The following DDX60L variants were observed in gnomAD, a reference collection of about 807,000 sequenced individuals.
DDX60L encodes the protein DExD/H-box 60 like.
In DDX60L, 191 loss-of-function variants were observed where a neutral mutation model predicts 211.6. The ratio of observed to expected loss-of-function variants is 0.90; its 90% CI spans 0.80 to 1.02. DDX60L has a LOEUF of 1.02. Among genes scored for constraint, DDX60L ranks in the 50% least tolerant of loss-of-function variants. DDX60L has a pLI of 0.00. For missense variants in DDX60L, 2,007 were observed against 1,984.1 expected (o/e 1.01, Z -0.22); for synonymous variants, 706 against 694.1 (o/e 1.02, Z -0.27).
chr4:168,408,984 T>G (rs1360423695), intron 22 of DDX60L, among the ~76,000 whole-genome samples: 1 of 152,238 alleles, frequency 6.6e-6, no homozygotes, highest in Non-Finnish European at 1.5e-5. Context: ...TGTATTCTGC[T>G]TCCCCTCATG....
intron 36 of DDX60L, among the ~76,000 whole-genome samples, chr4:168,367,900 T>C (rs1345829989): frequency 6.6e-6 from 1 of 152,212 alleles, no homozygotes; most frequent in Non-Finnish European, 1.5e-5. Flanking sequence ...TTAGGGTACC[T>C]GGAGAAAGAA....
Position 168,394,448 on chromosome 4 carries a change from C to A in DDX60L, c.3810+17G>T. 1 of 1,574,086 alleles carries A rather than the reference C, an allele frequency of 6.4e-7. No homozygotes were observed. The highest frequency in any genetic ancestry group is 8.6e-7 in the Non-Finnish European group (1 of 1,163,834). On this transcript the variant is annotated intron_variant, in intron 28 of 37. Coordinates refer to ENST00000682922, the MANE Select transcript of DDX60L (RefSeq NM_001012967.3). ...TATGCACAACTTTATTTTTTAAATGCAAAGAAATTTACCTACCCTAATAAG... is the reference window on the plus strand; with the variant it reads ...TATGCACAACTTTATTTTTTAAATGAAAAGAAATTTACCTACCCTAATAAG...
chr4:168,449,636 ACAAAAAAAAAAAATGC>A (rs1755406367), intron 8 of DDX60L, among the ~76,000 whole-genome samples: 1 of 41,568 alleles, frequency 2.4e-5, no homozygotes, highest in African/African-American at 1.2e-4. Context: ...AAACATTAAA[ACAAAAAAAAAAAATGC>A]AAAAAAAAAA....
chr4:168,442,239 G>A (rs1039682225), intron 9 of DDX60L, among the ~76,000 whole-genome samples: 1 of 152,212 alleles, frequency 6.6e-6, no homozygotes, highest in African/African-American at 2.4e-5. Context: ...AGAAAGGGGT[G>A]ACGGACGGCA....
chr4:168,430,788 A>G, intron 12 of DDX60L, 150 bp from the exon 13 acceptor site: 2 of 577,230 alleles, frequency 3.5e-6, no homozygotes, highest in East Asian at 3.4e-5. Flanking sequence ...ATAATTCCCT[A>G]TATTATTTGA....
intron 5 of DDX60L, among the ~76,000 whole-genome samples, chr4:168,461,053 C>A (rs1757260012): frequency 6.6e-6 from 1 of 152,184 alleles, no homozygotes. Context: ...GGGAGTTGAA[C>A]AAACCTCACT....
intron 35 of DDX60L, among the ~76,000 whole-genome samples, 174 bp from the exon 36 acceptor site, chr4:168,371,937 C>T (rs1476540165): frequency 6.6e-6 from 1 of 152,050 alleles, no homozygotes; most frequent in Non-Finnish European, 1.5e-5. Flanking sequence ...GGGCCCATTA[C>T]AGTGAGGGAA....
Position 168,456,085 on chromosome 4 carries a change from C to T in DDX60L, c.791G>A (p.Cys264Tyr). Residue 264 changes from cysteine to tyrosine, a missense_variant, in exon 7 of 38, where the codon TGT becomes TAT. Cys to Tyr is a radical substitution (Grantham distance 194, BLOSUM62 -2). Transcript: ENST00000682922. ...SEGSDIQRVL[C>Y]VTSCSLSLRM... ...CAAGGATAGTGAACATGAAGTGACACAGAGAACACGCTGGATGTCCGATCC... is the reference window on the plus strand; with the variant it reads ...CAAGGATAGTGAACATGAAGTGACATAGAGAACACGCTGGATGTCCGATCC... 1 of 1,597,910 alleles carries T rather than the reference C, an allele frequency of 6.3e-7. No individual in the cohort carries two copies. The highest frequency in any genetic ancestry group is 8.5e-7 in the Non-Finnish European group (1 of 1,173,874).
chr4:168,458,057 C>T (rs1238076400), intron 5 of DDX60L, 49 bp from the exon 6 acceptor site: 1 of 1,169,058 alleles, frequency 8.6e-7, no homozygotes, highest in East Asian at 2.6e-5. Flanking sequence ...AAGTATTTCC[C>T]AGCTGTAAAA....
rs1300523216 is a variant in DDX60L at position 168,404,086 on chromosome 4, G to C, written c.3234C>G (p.Asn1078Lys). 2.8e-6 allele frequency: 4 copies of C among 1,406,254 alleles called. No individual in the cohort carries two copies. In the African/African-American group the frequency reaches 5.9e-5, roughly 21 times the overall value. 87.1% of individuals were successfully genotyped at this position (1,406,254 alleles called of 1,614,324 possible). Residue 1078 changes from asparagine (N) to lysine (K), a missense_variant, in exon 25 of 38, where the codon AAC becomes AAG. Transcript: ENST00000682922. ...AACTAGACAATGAATCCGGACTAAG[G>C]TTCTTCAGTACTCTTTTGACCTACA... ...QVKKVKRVLK[N>K]LSPDSLSSSK... is the part of the protein sequence containing the mutation.
Position 168,435,055 on chromosome 4 carries a change from G to T in DDX60L, c.1295-1940C>A, listed in dbSNP as rs537030803. On this transcript the variant is annotated intron_variant, in intron 10 of 37. Coordinates refer to ENST00000682922, the MANE Select transcript of DDX60L (RefSeq NM_001012967.3). ...ATTACTGGATACTGATTCTGAACTG[G>T]CACTAATTCCAGAAGACCCAAAATG... 2.0e-5 allele frequency among the ~76,000 whole-genome samples: 3 copies of T among 152,234 alleles called. No homozygotes were observed. The South Asian group carries it at 6.2e-4, about 32-fold the overall frequency.
At chr4:168,458,688 C>G (rs773237011) in intron 5 of DDX60L, among the ~76,000 whole-genome samples, 2 of 152,176 alleles carry the variant, frequency 1.3e-5, no homozygotes, top group Non-Finnish European at 2.9e-5. Context: ...GGATAAATAA[C>G]TAATGCGTGC....
chr4:168,460,803 G>A (rs893805936), intron 5 of DDX60L, among the ~76,000 whole-genome samples: 5 of 152,080 alleles, frequency 3.3e-5, no homozygotes, highest in Admixed American at 2.0e-4. Flanking sequence ...CACAAATGCC[G>A]GGCTTCACAT....
rs1742527133 is a variant in DDX60L, at chr4:168,379,378, T to C, written c.4348A>G (p.Lys1450Glu). 5 of 1,587,952 alleles carry C rather than the reference T, an allele frequency of 3.1e-6. No individual in the cohort carries two copies. The highest frequency in any genetic ancestry group is 1.9e-5 in the Admixed American group (1 of 53,368). The change falls in exon 32 of 38, where the codon AAG becomes GAG. Residue 1450 changes from lysine to glutamate, a missense_variant. Transcript: ENST00000682922. ...LKRGLFHNLC[K>E]PAWKGSQQFS... ...CCAAGCTTACCTTTCCAGGCTGGCT[T>C]ACAGAGATTATGGAAAAGGCCTCTC...
At position 168,415,476 on chromosome 4, in the gene DDX60L, A is replaced by G; in HGVS notation, c.2911T>C (p.Cys971Arg). 1 of 1,605,670 alleles carries G rather than the reference A, an allele frequency of 6.2e-7. No individual in the cohort carries two copies. The change falls in exon 22 of 38, where the codon TGT becomes CGT. Residue 971 changes from cysteine to arginine, a missense_variant. Cys to Arg is a radical substitution (Grantham distance 180, BLOSUM62 -3). Transcript: ENST00000682922. ...ERYNDLEKHICSVKHDDVYFD... is the reference protein window; with the variant it reads ...ERYNDLEKHIRSVKHDDVYFD... ...TAAACATCATCATGTTTTACTGAAC[A>G]TATATGCTTCTCTAAATCATTGTAT... is the stretch of plus-strand genomic sequence containing the variant.
Position 168,422,551 on chromosome 4 carries a change from G to A in DDX60L, c.2217C>T (p.Val739=). The change falls in exon 16 of 38, where the codon GTC becomes GTT. Residue 739 remains valine, a synonymous_variant. Transcript: ENST00000682922. ...GCCATGCGTTGGGAATAAAATCCTGGACCCTGGGATCCCGATCTTTTCTTT... is the reference window on the plus strand; with the variant it reads ...GCCATGCGTTGGGAATAAAATCCTGAACCCTGGGATCCCGATCTTTTCTTT... ...RDERKDRDPR[V]QDFIPNAWQQ... 9.9e-6 allele frequency: 16 copies of A among 1,612,266 alleles called. No homozygotes were observed. The highest frequency in any genetic ancestry group is 1.4e-5 in the Non-Finnish European group (16 of 1,179,454).
chr4:168,407,083 T>C (rs1446263042), intron 22 of DDX60L, among the ~76,000 whole-genome samples: 6 of 152,178 alleles, frequency 3.9e-5, no homozygotes, highest in Admixed American at 2.0e-4. Flanking sequence ...AAATATACCT[T>C]TCTTTTTGAA....
chr4:168,415,317 C>A, intron 22 of DDX60L, 91 bp downstream of exon 22: 1 of 542,264 alleles, frequency 1.8e-6, no homozygotes, highest in Non-Finnish European at 3.1e-6. Flanking sequence ...ATTATCTATA[C>A]ATGCTGCAGT....
At chr4:168,432,326 T>C (rs971695181) in intron 12 of DDX60L, 129 bp downstream of exon 12, 1 of 210,342 alleles carries the variant, frequency 4.8e-6, no homozygotes, top group African/African-American at 2.4e-5. Context: ...ATATATATTA[T>C]ATATAATATA....
Sources: gnomAD v4.1 joint callset for allele counts (sites outside exome capture counted in the v4.1 genomes callset) on GRCh38, gnomAD v4.1.1 for gene constraint, MANE v1.5 for transcripts, NCBI Gene and HGNC (gene_info 2026-07-23, HGNC 2026-07-21) for gene names.